Variants in FREM1 observed in about 807,000 individuals in gnomAD.
The protein encoded by FREM1 is FRAS1 related extracellular matrix 1.
In FREM1, 220 loss-of-function variants were observed where a neutral mutation model predicts 210.1. The ratio of observed to expected loss-of-function variants is 1.05; its 90% CI spans 0.94 to 1.17. The LOEUF is 1.17. Among genes scored for constraint, FREM1 ranks in the 50% most tolerant of loss-of-function variants. FREM1 has a pLI of 0.00. For missense variants in FREM1, 3,454 were observed against 2,675.5 expected (o/e 1.29, Z -6.42); for synonymous variants, 1,189 against 980.2 (o/e 1.21, Z -3.98).
intron 19 of FREM1, among the ~76,000 whole-genome samples, chr9:14,803,824 A>C (rs1356242799): frequency 6.6e-6 from 1 of 152,248 alleles, no homozygotes; most frequent in African/African-American, 2.4e-5. Context: ...CCTACTTATT[A>C]AATATTAAAG....
At chr9:14,852,531 A>T (rs1827968518) in intron 5 of FREM1, among the ~76,000 whole-genome samples, 1 of 152,176 alleles carries the variant, frequency 6.6e-6, no homozygotes. Flanking sequence ...CTACAAAAAA[A>T]GTAAAAATAA....
chr9:14,885,607 G>A (rs1488733729), intron 1 of FREM1, among the ~76,000 whole-genome samples: 1 of 152,024 alleles, frequency 6.6e-6, no homozygotes, highest in African/African-American at 2.4e-5. Context: ...TTTTCATAGG[G>A]ATGGGAGTCT....
chr9:14,759,310 G>A (rs1845005257), intron 28 of FREM1, among the ~76,000 whole-genome samples: 1 of 152,014 alleles, frequency 6.6e-6, no homozygotes, highest in South Asian at 2.1e-4. Context: ...AGGAGTTCGA[G>A]ACCAGCCTGG....
At chr9:14,772,335 G>C (rs1284066223) in intron 25 of FREM1, among the ~76,000 whole-genome samples, 2 of 152,096 alleles carry the variant, frequency 1.3e-5, no homozygotes, top group African/African-American at 4.8e-5. Flanking sequence ...ATCTCGACCT[G>C]AGACTGAGTT....
intron 23 of FREM1, among the ~76,000 whole-genome samples, chr9:14,786,292 TG>T (rs1418815605): frequency 2.0e-5 from 3 of 152,222 alleles, no homozygotes; most frequent in African/African-American, 7.2e-5. Context: ...TGCATTATTT[TG>T]TTCCCTGTCT....
Position 14,817,044 on chromosome 9 carries a change from C to T in FREM1, c.2547-173G>A, listed in dbSNP as rs12376167. Among the ~76,000 whole-genome samples, 32,049 of 152,166 alleles carry T rather than the reference C, an allele frequency of 0.21. 3,673 individuals are homozygous for T. The highest frequency in any genetic ancestry group is 0.29 in the Middle Eastern group (86 of 294). On this transcript the variant is annotated intron_variant, in intron 14 of 36. Transcript: ENST00000380880. ...TCCTGAAGTCACATATTTAACTACT[C>T]ATACATCCTTGAATGTAAAATTGCT...
chr9:14,892,819 G>T (rs560604114), intron 1 of FREM1, among the ~76,000 whole-genome samples: 5 of 152,222 alleles, frequency 3.3e-5, no homozygotes, highest in African/African-American at 1.2e-4. Context: ...TCCCCACTCT[G>T]CCCCAGGCAA....
At chr9:14,857,421 T>G in intron 5 of FREM1, 132 bp downstream of exon 5, 3 of 803,878 alleles carry the variant, frequency 3.7e-6, no homozygotes, top group Non-Finnish European at 4.5e-6. Context: ...GCAGTTCCAA[T>G]GAGTCGCTGG....
At chr9:14,780,124 A>C (rs72709600) in intron 24 of FREM1, among the ~76,000 whole-genome samples, 15,899 of 152,092 alleles carry the variant, frequency 0.1, 1,070 homozygotes, top group East Asian at 0.18. Flanking sequence ...CCATAAAGCC[A>C]TTGCTATGTT....
intron 9 of FREM1, 102 bp from the exon 10 acceptor site, chr9:14,841,691 A>C: frequency 3.8e-6 from 3 of 795,088 alleles, no homozygotes; most frequent in Admixed American, 2.8e-5. Context: ...TGTCTAGTAC[A>C]TTCTATGTAC....
intron 36 of FREM1, among the ~76,000 whole-genome samples, chr9:14,738,474 C>T (rs1840812158): frequency 6.6e-6 from 1 of 152,118 alleles, no homozygotes. Context: ...TCTGCCTAAG[C>T]ATATTGTGAG....
At position 14,864,166 on chromosome 9, in the gene FREM1, C is replaced by T. The variant is rs540932878; in HGVS notation, c.235-263G>A. The stretch of plus-strand genomic sequence containing the variant: ...AAGAAAATTAGTTAAGGGATGATTA[C>T]GTCTCTAAATAAGTGTCTTTTTACC... On this transcript the variant is annotated intron_variant, in intron 2 of 36. Transcript: ENST00000380880. Among the ~76,000 whole-genome samples, 48 of 152,280 alleles carry T rather than the reference C, an allele frequency of 3.2e-4. No homozygotes were observed. In the South Asian group the frequency reaches 5.4e-3, roughly 17 times the overall value.
chr9:14,742,158 A>G (rs936474715), intron 35 of FREM1, among the ~76,000 whole-genome samples: 2 of 152,190 alleles, frequency 1.3e-5, no homozygotes, highest in African/African-American at 4.8e-5. Context: ...TGGATATAAA[A>G]TTATAAATAG....
At position 14,737,408 on chromosome 9, in the gene FREM1, G is replaced by A. The variant is rs144454947; in HGVS notation, c.6528C>T (p.Ser2176=). 4.3e-4 allele frequency: 701 copies of A among 1,613,320 alleles called. 6 individuals carry two copies. In the African/African-American group the frequency reaches 8.1e-3, roughly 19 times the overall value. ...GGGTCTGTTATATTTAGAGTTTTCT[G>A]GAACACACATAATTATGAGGTTTGG... ...RRAKPHNYVC[S]RKL is the part of the protein sequence containing the mutation. Residue 2176 remains serine (S), a synonymous_variant, in exon 37 of 37, where the codon TCC becomes TCT. Transcript: ENST00000380880.
chr9:14,815,810 G>C (rs911704807), intron 15 of FREM1, among the ~76,000 whole-genome samples: 1 of 152,108 alleles, frequency 6.6e-6, no homozygotes, highest in Non-Finnish European at 1.5e-5. Context: ...ACTATGCCCA[G>C]ATAATTTTTG....
chr9:14,788,370 A>G (rs2132950697), intron 23 of FREM1, among the ~76,000 whole-genome samples: 1 of 152,354 alleles, frequency 6.6e-6, no homozygotes, highest in East Asian at 1.9e-4. Context: ...ACTCACAAGA[A>G]GTTGATCTTA....
At chr9:14,755,822 G>A (rs1285279739) in intron 29 of FREM1, among the ~76,000 whole-genome samples, 2 of 152,140 alleles carry the variant, frequency 1.3e-5, no homozygotes, top group Non-Finnish European at 2.9e-5. Context: ...TCACACAATG[G>A]AACACACTTG....
intron 3 of FREM1, among the ~76,000 whole-genome samples, chr9:14,859,711 T>G (rs1369922431): frequency 1.3e-5 from 2 of 152,202 alleles, no homozygotes; most frequent in African/African-American, 4.8e-5. Context: ...ACATCTTTCT[T>G]TCAACACCTG....
chr9:14,819,601 C>T lies in FREM1; in HGVS notation c.2338-159G>A, dbSNP rs115045204. Among the ~76,000 whole-genome samples the T allele has an allele frequency of 8.0e-3, 1,221 of 152,290 alleles. 12 individuals are homozygous for T. Among genetic ancestry groups the T allele is most frequent in the African/African-American group, 0.028 (1,153 of 41,556 alleles). On this transcript the variant is annotated intron_variant, in intron 13 of 36. Coordinates refer to ENST00000380880, the MANE Select transcript of FREM1 (RefSeq NM_001379081.2). ...ATAAGTTCATAGCTAGACATTTTGA[C>T]TGAAAAATTTTTTTTTACTATTTCT...
Sources: gnomAD v4.1 joint callset for allele counts (sites outside exome capture counted in the v4.1 genomes callset) on GRCh38, gnomAD v4.1.1 for gene constraint, MANE v1.5 for transcripts, NCBI Gene and HGNC (gene_info 2026-07-23, HGNC 2026-07-21) for gene names.